The following UBAC2 variants were observed in gnomAD, a reference collection of about 807,000 sequenced individuals.
UBAC2 encodes the protein UBA domain containing 2.
In UBAC2, 26 loss-of-function variants were observed where a neutral mutation model predicts 44.0. That is an observed-to-expected ratio of 0.59 (90% CI 0.43 to 0.82). The LOEUF is 0.82. Ranked by LOEUF, UBAC2 falls within the 40% of genes least tolerant of loss-of-function variation. UBAC2 has a pLI of 0.00. For synonymous variants in UBAC2, 155 were observed against 154.3 expected, an observed-to-expected ratio of 1.00 and a Z score of -0.04; for missense variants, 329 against 419.4, an observed-to-expected ratio of 0.78 and a Z score of 1.88.
At chr13:99,330,529 T>C (rs1055397054) in intron 6 of UBAC2, among the ~76,000 whole-genome samples, 9 of 151,566 alleles carry the variant, frequency 5.9e-5, no homozygotes, top group African/African-American at 2.2e-4. Context: ...CTTTTCTAAA[T>C]GTGTTTATTA....
intron 7 of UBAC2, among the ~76,000 whole-genome samples, chr13:99,346,645 A>C (rs984622668): frequency 6.7e-6 from 1 of 149,182 alleles, no homozygotes; most frequent in Admixed American, 6.7e-5. Flanking sequence ...CATCATTTTC[A>C]CTTGTCTAGC....
intron 8 of UBAC2, among the ~76,000 whole-genome samples, chr13:99,379,275 C>G (rs1306337962): frequency 6.6e-6 from 1 of 152,214 alleles, no homozygotes; most frequent in East Asian, 1.9e-4. Context: ...GGGGCTGTCT[C>G]ATTAGCTGTA....
At chr13:99,378,111 C>G (rs1012861075) in intron 8 of UBAC2, among the ~76,000 whole-genome samples, 7 of 152,230 alleles carry the variant, frequency 4.6e-5, no homozygotes, top group African/African-American at 1.7e-4. Flanking sequence ...GACACTTTTT[C>G]TGCAGCGTTA....
intron 5 of UBAC2, among the ~76,000 whole-genome samples, chr13:99,316,759 A>G (rs1419623521): frequency 6.6e-6 from 1 of 152,238 alleles, no homozygotes; most frequent in Admixed American, 6.5e-5. Context: ...TTACTTGCGT[A>G]TGAGACCTGG....
Position 99,262,721 on chromosome 13 carries a change from A to G in UBAC2, c.389+18097A>G, listed in dbSNP as rs1292209904. On this transcript the variant is annotated intron_variant, in intron 4 of 8. Coordinates refer to ENST00000403766, the MANE Select transcript of UBAC2 (RefSeq NM_001144072.2). ...GCAGAACTCCCTCTCAAAAAAAAAA[A>G]AAAAAAAAAAAAAAAAAAAGGACTT... Among the ~76,000 whole-genome samples the G allele has an allele frequency of 1.4e-3, 157 of 111,054 alleles. 3 individuals are homozygous for G. In the East Asian group the frequency reaches 0.047, roughly 33 times the overall value. The allele number at this position is 111,054 out of a possible 152,430, so 72.9% of individuals were successfully genotyped here. A position where few individuals can be genotyped will look rare whatever the true frequency, so the allele number is the denominator to read the frequency against.
intron 1 of UBAC2, chr13:99,215,342 T>G (rs1200440027): frequency 1.2e-6 from 1 of 854,642 alleles, no homozygotes; most frequent in Non-Finnish European, 2.0e-6. Context: ...TTATTTAGAG[T>G]CCTGAGATAA....
chr13:99,330,587 G>T (rs2044703803), intron 6 of UBAC2, among the ~76,000 whole-genome samples: 1 of 151,780 alleles, frequency 6.6e-6, no homozygotes, highest in Non-Finnish European at 1.5e-5. Context: ...AACATAGGTG[G>T]TCTGTGTCAT....
At chr13:99,280,787 TTTCCTTTC>T in intron 4 of UBAC2, among the ~76,000 whole-genome samples, 1 of 152,284 alleles carries the variant, frequency 6.6e-6, no homozygotes, top group South Asian at 2.1e-4. Context: ...TAATGTCCTT[TTTCCTTTC>T]TTCCTTCCCT....
intron 8 of UBAC2, among the ~76,000 whole-genome samples, chr13:99,374,883 C>T (rs1399650228): frequency 2.6e-5 from 4 of 152,158 alleles, no homozygotes; most frequent in African/African-American, 4.8e-5. Context: ...GCCCCAGCAT[C>T]GGTCGGAGAA....
intron 1 of UBAC2, among the ~76,000 whole-genome samples, chr13:99,205,470 A>C (rs1268407820): frequency 1.3e-5 from 2 of 152,204 alleles, no homozygotes; most frequent in African/African-American, 4.8e-5. Context: ...TTCTGAATGT[A>C]CACCTTCCTG....
At chr13:99,236,919 C>G (rs2043240292) in intron 1 of UBAC2, among the ~76,000 whole-genome samples, 1 of 151,738 alleles carries the variant, frequency 6.6e-6, no homozygotes. Context: ...CCCTGGTACA[C>G]TGTTGGTGGG....
At chr13:99,369,288 T>C (rs1342905303) in intron 8 of UBAC2, among the ~76,000 whole-genome samples, 1 of 152,234 alleles carries the variant, frequency 6.6e-6, no homozygotes, top group Non-Finnish European at 1.5e-5. Flanking sequence ...AATTTTTCAA[T>C]TTTACAGTGG....
At chr13:99,385,172 C>T in intron 8 of UBAC2, 56 bp from the exon 9 acceptor site, 2 of 1,317,564 alleles carry the variant, frequency 1.5e-6, no homozygotes, top group Non-Finnish European at 2.2e-6. Context: ...ATTTGGGGCC[C>T]AGGGATAAGC....
chr13:99,216,080 A>C (rs568490497), intron 1 of UBAC2, among the ~76,000 whole-genome samples: 1 of 90,524 alleles, frequency 1.1e-5, no homozygotes. Flanking sequence ...ACCAACCTAT[A>C]TTTGTGTGTG....
chr13:99,383,224 C>T (rs528802346), intron 8 of UBAC2, among the ~76,000 whole-genome samples: 3 of 152,342 alleles, frequency 2.0e-5, no homozygotes, highest in African/African-American at 7.2e-5. Context: ...TAAGCTGGGC[C>T]TGCTGAAAAC....
At chr13:99,242,360 C>A (rs1308225166) in intron 2 of UBAC2, among the ~76,000 whole-genome samples, 1 of 144,412 alleles carries the variant, frequency 6.9e-6, no homozygotes, top group Non-Finnish European at 1.5e-5. Flanking sequence ...CCGGACGGGG[C>A]GGCTGTCCGG....
intron 1 of UBAC2, among the ~76,000 whole-genome samples, chr13:99,210,927 G>C (rs887521339): frequency 2.0e-5 from 3 of 152,046 alleles, no homozygotes; most frequent in African/African-American, 7.2e-5. Flanking sequence ...TTTTCCCTTT[G>C]TCATAAGCAT....
chr13:99,314,879 C>G (rs1380217070), intron 5 of UBAC2: 3 of 152,216 alleles, frequency 2.0e-5, no homozygotes, highest in Non-Finnish European at 4.4e-5. Flanking sequence ...TCTATCTGTA[C>G]TACCTGTCAC....
intron 6 of UBAC2, among the ~76,000 whole-genome samples, chr13:99,334,592 G>A (rs993828857): frequency 6.6e-6 from 1 of 152,032 alleles, no homozygotes; most frequent in Non-Finnish European, 1.5e-5. Flanking sequence ...AATATATTAT[G>A]CTCAATTTTG....
Sources: allele counts gnomAD v4.1 joint callset (sites outside exome capture counted in the v4.1 genomes callset), GRCh38; gene constraint gnomAD v4.1.1; transcripts MANE v1.5; gene names NCBI Gene and HGNC (gene_info 2026-07-23, HGNC 2026-07-21).